CASK: variants seen among roughly 807,000 people sequenced by gnomAD.
The protein encoded by CASK is calcium/calmodulin dependent serine protein kinase, also known as peripheral plasma membrane protein CASK.
A neutral mutation model predicts 82.9 loss-of-function variants in CASK; 4 were observed. The observed-to-expected ratio is 0.05, with a 90% CI of 0.02 to 0.11. CASK has a LOEUF of 0.11. Ranked by LOEUF, CASK falls within the 10% of genes least tolerant of loss-of-function variation. The pLI is 1.00. For missense variants in CASK, 358 were observed against 720.9 expected (o/e 0.50, Z 5.76); for synonymous variants, 259 against 253.5 (o/e 1.02, Z -0.20).
intron 2 of CASK, among the ~76,000 whole-genome samples, chrX:41,807,041 T>C (rs1039175939): frequency 8.9e-6 from 1 of 111,789 alleles, no homozygotes; most frequent in Non-Finnish European, 1.9e-5. Context: ...TCTAAGAATA[T>C]AGGAAGCTGG....
chrX:41,642,020 T>G (rs1006043056), intron 8 of CASK, among the ~76,000 whole-genome samples: 1 of 109,730 alleles, frequency 9.1e-6, no homozygotes. Flanking sequence ...CTTCTGATAG[T>G]TTGCTGAGAA....
At chrX:41,711,006 G>A (rs1204487870) in intron 5 of CASK, among the ~76,000 whole-genome samples, 2 of 111,705 alleles carry the variant, frequency 1.8e-5, no homozygotes, top group Non-Finnish European at 3.8e-5. Flanking sequence ...TATAATAAAC[G>A]GGTATATGTA....
chrX:41,880,048 T>C lies in CASK; in HGVS notation c.60-26821A>G, dbSNP rs755355251. On this transcript the variant is annotated intron_variant, in intron 1 of 26. Transcript: ENST00000378163. ...ATAGGTTTACTAATAATACTATAAG[T>C]AAGCTCTATGTACTTCTACAATTTT... Among the ~76,000 whole-genome samples, 3 of 112,143 alleles carry C rather than the reference T, an allele frequency of 2.7e-5. No individual in the cohort carries two copies. In the East Asian group the frequency reaches 8.4e-4, roughly 31 times the overall value.
chrX:41,567,682 G>A (rs1368214104), intron 16 of CASK, among the ~76,000 whole-genome samples: 5 of 111,775 alleles, frequency 4.5e-5, no homozygotes, highest in African/African-American at 6.5e-5. Flanking sequence ...ACAGTGTGGC[G>A]ATTCCTCAAG....
At chrX:41,727,067 C>T in intron 5 of CASK, 3 of 1,169,160 alleles carry the variant, frequency 2.6e-6, no homozygotes, top group Non-Finnish European at 3.5e-6. Context: ...TCTATGATCT[C>T]TTCCATGGCT....
intron 5 of CASK, among the ~76,000 whole-genome samples, chrX:41,716,011 A>T (rs1463415441): frequency 9.0e-6 from 1 of 111,588 alleles, no homozygotes; most frequent in Non-Finnish European, 1.9e-5. Flanking sequence ...GAATGATGAG[A>T]ATACCATAAA....
intron 2 of CASK, among the ~76,000 whole-genome samples, chrX:41,801,306 G>A (rs748222620): frequency 3.6e-5 from 4 of 111,349 alleles, no homozygotes; most frequent in East Asian, 2.8e-4. Flanking sequence ...CTCCCAATAC[G>A]CCTTGCCAAA....
At chrX:41,579,510 T>C (rs1209998438) in intron 14 of CASK, among the ~76,000 whole-genome samples, 6 of 112,131 alleles carry the variant, frequency 5.4e-5, no homozygotes, top group Non-Finnish European at 1.1e-4. Context: ...AATGTCCTTC[T>C]ACTCACCACA....
chrX:41,729,052 T>C (rs1052644415), intron 5 of CASK: 1 of 123,525 alleles, frequency 8.1e-6, no homozygotes, highest in Admixed American at 9.4e-5. Context: ...ATATAAATAA[T>C]GTTATTAGTG....
intron 1 of CASK, among the ~76,000 whole-genome samples, chrX:41,856,918 A>T (rs1049263440): frequency 1.8e-5 from 2 of 111,107 alleles, no homozygotes; most frequent in African/African-American, 6.6e-5. Flanking sequence ...GAACGCAGAC[A>T]GCCCGAGTCC....
intron 1 of CASK, among the ~76,000 whole-genome samples, chrX:41,890,344 C>G (rs934669807): frequency 9.1e-6 from 1 of 110,107 alleles, no homozygotes; most frequent in African/African-American, 3.3e-5. Flanking sequence ...CATTCAACCC[C>G]TATTCTAATT....
chrX:41,923,043 G>A lies in CASK; in HGVS notation c.-55C>T. On this transcript the variant is annotated 5_prime_UTR_variant, in exon 1 of 27. Transcript: ENST00000378163. ...GAGGGCTTCGAAAACGGGGGTGGGG[G>A]CGCCCAAGAGCTCAGTGCCCAGCCC... is the stretch of plus-strand genomic sequence containing the variant. 5.6e-6 allele frequency: 6 copies of A among 1,078,170 alleles called. No homozygotes were observed. The South Asian group carries it at 1.1e-4, about 20-fold the overall frequency. 88.9% of individuals were successfully genotyped at this position (1,078,170 alleles called of 1,213,427 possible). A position where few individuals can be genotyped will look rare whatever the true frequency, so the allele number is the denominator to read the frequency against.
chrX:41,881,118 G>A (rs892849938), intron 1 of CASK, among the ~76,000 whole-genome samples: 19 of 111,146 alleles, frequency 1.7e-4, no homozygotes, highest in African/African-American at 6.2e-4. Context: ...TACTTCCCCT[G>A]GTCTAATTCC....
At chrX:41,670,517 C>T (rs1209145001) in intron 6 of CASK, among the ~76,000 whole-genome samples, 1 of 111,865 alleles carries the variant, frequency 8.9e-6, no homozygotes, top group African/African-American at 3.2e-5. Flanking sequence ...GAGGCTGAGG[C>T]AGGAGGACTG....
chrX:41,569,007 A>G (rs906100101), intron 16 of CASK, among the ~76,000 whole-genome samples: 1 of 111,383 alleles, frequency 9.0e-6, no homozygotes, highest in Admixed American at 9.5e-5. Context: ...AAAAACCCCC[A>G]CATCATTCTT....
chrX:41,775,019 C>A (rs1424368668), intron 3 of CASK, among the ~76,000 whole-genome samples: 1 of 110,235 alleles, frequency 9.1e-6, no homozygotes, highest in Non-Finnish European at 1.9e-5. Context: ...GCAACCAAAG[C>A]CAAAATTGAC....
chrX:41,645,978 C>G (rs952892718), intron 8 of CASK, among the ~76,000 whole-genome samples: 2 of 111,320 alleles, frequency 1.8e-5, no homozygotes, highest in Non-Finnish European at 3.8e-5. Flanking sequence ...CACAGATGAC[C>G]GTTGCCCTGC....
intron 4 of CASK, among the ~76,000 whole-genome samples, chrX:41,742,209 T>C (rs901452384): frequency 9.0e-6 from 1 of 111,445 alleles, no homozygotes; most frequent in African/African-American, 3.3e-5. Context: ...TATCCAAATC[T>C]CTGGGGTGTA....
intron 8 of CASK, among the ~76,000 whole-genome samples, chrX:41,639,239 A>T (rs2066608507): frequency 9.2e-6 from 1 of 108,891 alleles, no homozygotes; most frequent in African/African-American, 3.3e-5. Flanking sequence ...ACGCCCAGCT[A>T]ATTTTTGTAT....
Sources: gnomAD v4.1 joint callset for allele counts (sites outside exome capture counted in the v4.1 genomes callset) on GRCh38, gnomAD v4.1.1 for gene constraint, MANE v1.5 for transcripts, NCBI Gene and HGNC (gene_info 2026-07-23, HGNC 2026-07-21) for gene names.